THSD4: variants seen among roughly 807,000 people sequenced by gnomAD.
The protein encoded by THSD4 is thrombospondin type-1 domain-containing protein 4.
A neutral mutation model predicts 119.0 loss-of-function variants in THSD4; 69 were observed. The observed-to-expected ratio is 0.58, with a 90% confidence interval of 0.48 to 0.71. The LOEUF (loss-of-function observed/expected upper bound fraction) is 0.71. THSD4 is among the 30% of genes least tolerant of loss of function. The pLI is 0.00. For missense variants in THSD4, 1,393 were observed against 1,391.1 expected (o/e 1.00, Z -0.02); for synonymous variants, 524 against 540.4 (o/e 0.97, Z 0.42).
chr15:71,465,209 A>C (rs2047482948), intron 7 of THSD4, among the ~76,000 whole-genome samples: 1 of 152,200 alleles, frequency 6.6e-6, no homozygotes, highest in South Asian at 2.1e-4. Context: ...TGAAGAAAAC[A>C]AGGTTTTTAT....
intron 5 of THSD4, 141 bp from the exon 6 acceptor site, chr15:71,256,472 T>G: frequency 4.8e-6 from 2 of 415,530 alleles, no homozygotes; most frequent in Admixed American, 5.8e-5. Flanking sequence ...TGAGACTCCA[T>G]CTCAAAAAAA....
At chr15:71,355,068 A>G (rs2045790912) in intron 6 of THSD4, among the ~76,000 whole-genome samples, 1 of 152,216 alleles carries the variant, frequency 6.6e-6, no homozygotes, top group Admixed American at 6.5e-5. Flanking sequence ...AACAAAAATA[A>G]CATTTGCCTA....
intron 7 of THSD4, among the ~76,000 whole-genome samples, chr15:71,543,610 C>G (rs1017718341): frequency 6.6e-6 from 1 of 152,232 alleles, no homozygotes; most frequent in Admixed American, 6.5e-5. Flanking sequence ...TTCAGGGAAA[C>G]ACTAGCTCAG....
intron 4 of THSD4, among the ~76,000 whole-genome samples, chr15:71,226,737 T>G (rs187255414): frequency 6.6e-6 from 1 of 152,000 alleles, no homozygotes; most frequent in Non-Finnish European, 1.5e-5. Flanking sequence ...ACCCAGGGAG[T>G]CTTGTTACCT....
intron 5 of THSD4, among the ~76,000 whole-genome samples, chr15:71,255,003 A>T (rs375591950): frequency 1.3e-5 from 2 of 152,284 alleles, no homozygotes; most frequent in East Asian, 1.9e-4. Context: ...CCCAACTGCG[A>T]CTGTCCTTAA....
intron 3 of THSD4, among the ~76,000 whole-genome samples, chr15:71,192,611 C>T (rs4300598): frequency 0.27 from 40,855 of 151,948 alleles, 5,704 homozygotes; most frequent in East Asian, 0.48. Flanking sequence ...AACCTGTTCT[C>T]GACAGTTTTT....
rs2052431791 is a variant in THSD4, at chr15:71,708,256, T to G, written c.1358-20293T>G. ...AGTGCTCTGACCCAGCAGGGGAGAG[T>G]ATTTTACACGATGATAATAAAAAGC... On this transcript the variant is annotated intron_variant, in intron 8 of 17. Coordinates refer to ENST00000261862, the MANE Select transcript of THSD4 (RefSeq NM_024817.3). Among the ~76,000 whole-genome samples the G allele has an allele frequency of 2.0e-5, 3 of 151,450 alleles. No homozygotes were observed. In the South Asian group the frequency reaches 6.3e-4, roughly 32 times the overall value.
At chr15:71,626,947 T>C (rs969592457) in intron 7 of THSD4, among the ~76,000 whole-genome samples, 1 of 152,244 alleles carries the variant, frequency 6.6e-6, no homozygotes, top group African/African-American at 2.4e-5. Flanking sequence ...TTGATAGAAC[T>C]TACCCATAAA....
At chr15:71,171,972 C>T (rs904475566) in intron 3 of THSD4, among the ~76,000 whole-genome samples, 1 of 152,116 alleles carries the variant, frequency 6.6e-6, no homozygotes, top group African/African-American at 2.4e-5. Context: ...AAGTTATAAA[C>T]CTCAAAGAAG....
intron 3 of THSD4, among the ~76,000 whole-genome samples, chr15:71,168,354 A>G (rs1348318): frequency 0.54 from 82,381 of 152,112 alleles, 25,564 homozygotes; most frequent in Middle Eastern, 0.7. Context: ...TGTATGCAGG[A>G]AAGATTGTGA....
intron 7 of THSD4, among the ~76,000 whole-genome samples, chr15:71,629,697 T>C (rs2050582805): frequency 6.6e-6 from 1 of 152,190 alleles, no homozygotes; most frequent in Non-Finnish European, 1.5e-5. Context: ...CCACATCCCA[T>C]ACCTACATTG....
At chr15:71,379,239 A>G (rs1204219548) in intron 6 of THSD4, among the ~76,000 whole-genome samples, 1 of 152,032 alleles carries the variant, frequency 6.6e-6, no homozygotes, top group Admixed American at 6.6e-5. Context: ...TTGGTTACAG[A>G]GAACAAGGAA....
intron 7 of THSD4, among the ~76,000 whole-genome samples, chr15:71,614,848 C>T (rs1009736324): frequency 6.6e-6 from 1 of 152,122 alleles, no homozygotes; most frequent in Admixed American, 6.5e-5. Context: ...GTCAGCTGGA[C>T]CTGAAAGGGA....
intron 8 of THSD4, 93 bp downstream of exon 8, chr15:71,660,827 G>C: frequency 7.0e-7 from 1 of 1,429,284 alleles, no homozygotes; most frequent in South Asian, 1.3e-5. Context: ...GTGTCCGAGA[G>C]TCCCGGGGCA....
intron 7 of THSD4, among the ~76,000 whole-genome samples, chr15:71,610,470 ACTC>A (rs1423385628): frequency 6.6e-6 from 1 of 151,976 alleles, no homozygotes; most frequent in Non-Finnish European, 1.5e-5. Flanking sequence ...TCACAACAGA[ACTC>A]CTGTGGCAAC....
At chr15:71,099,704 C>A (rs536689427) in intron 1 of THSD4, among the ~76,000 whole-genome samples, 22 of 152,118 alleles carry the variant, frequency 1.4e-4, no homozygotes, top group Admixed American at 1.4e-3. Context: ...GTGGCTCACA[C>A]CTGCAACCCC....
chr15:71,449,853 A>G (rs534243229), intron 7 of THSD4, among the ~76,000 whole-genome samples: 3 of 152,318 alleles, frequency 2.0e-5, no homozygotes, highest in African/African-American at 7.2e-5. Context: ...CTTAATACCA[A>G]TTGTTATCCA....
At chr15:71,555,358 A>G (rs961479837) in intron 7 of THSD4, among the ~76,000 whole-genome samples, 1 of 152,242 alleles carries the variant, frequency 6.6e-6, no homozygotes, top group Non-Finnish European at 1.5e-5. Context: ...AAGATATAAA[A>G]TGGTATCAGT....
At chr15:71,491,715 T>C (rs1171726384) in intron 7 of THSD4, among the ~76,000 whole-genome samples, 2 of 151,856 alleles carry the variant, frequency 1.3e-5, no homozygotes, top group Admixed American at 6.6e-5. Flanking sequence ...AAAAAAAAAT[T>C]GTTTTTTAAT....
Sources: allele counts gnomAD v4.1 joint callset (sites outside exome capture counted in the v4.1 genomes callset), GRCh38; gene constraint gnomAD v4.1.1; transcripts MANE v1.5; gene names NCBI Gene and HGNC (gene_info 2026-07-23, HGNC 2026-07-21).